The following KCNIP1 variants were observed in gnomAD, a reference collection of about 807,000 sequenced individuals.
KCNIP1 encodes the protein potassium voltage-gated channel interacting protein 1, also known as A-type potassium channel modulatory protein KCNIP1.
In KCNIP1, 18 loss-of-function variants were observed where a neutral mutation model predicts 33.0. The observed-to-expected ratio is 0.55, with a 90% CI of 0.38 to 0.81. KCNIP1 has a LOEUF of 0.81. KCNIP1 is among the 30% of genes least tolerant of loss of function. The pLI is 0.00. For synonymous variants in KCNIP1, 93 were observed against 98.3 expected (o/e 0.95, Z 0.32); for missense variants, 238 against 271.6 (o/e 0.88, Z 0.87).
At chr5:170,682,784 C>CTTTTTTTTTTGTTTTTTTTTTTTT (rs1762396898) in intron 1 of KCNIP1, among the ~76,000 whole-genome samples, 1 of 71,404 alleles carries the variant, frequency 1.4e-5, no homozygotes, top group Admixed American at 2.3e-4. Flanking sequence ...TTCTTTGTTT[C>CTTTTTTTTTTGTTTTTTTTTTTTT]TTTTTTTTTT....
chr5:170,661,879 A>G (rs1012115408), intron 1 of KCNIP1, among the ~76,000 whole-genome samples: 2 of 152,098 alleles, frequency 1.3e-5, no homozygotes, highest in African/African-American at 4.8e-5. Context: ...TCTTTCCAAA[A>G]CCAATTTCTA....
intron 1 of KCNIP1, among the ~76,000 whole-genome samples, chr5:170,521,809 A>AT (rs1323331371): frequency 6.6e-6 from 1 of 152,214 alleles, no homozygotes; most frequent in African/African-American, 2.4e-5. Context: ...ATAACAAATA[A>AT]ACCCCAATAT....
chr5:170,685,090 C>T (rs996978728), intron 1 of KCNIP1, among the ~76,000 whole-genome samples: 1 of 152,110 alleles, frequency 6.6e-6, no homozygotes, highest in Non-Finnish European at 1.5e-5. Flanking sequence ...TTTGGCCTCT[C>T]CTTGCCCATA....
At chr5:170,384,016 C>T (rs1581133701) in intron 1 of KCNIP1, among the ~76,000 whole-genome samples, 2 of 152,302 alleles carry the variant, frequency 1.3e-5, no homozygotes, top group East Asian at 3.9e-4. Flanking sequence ...CCACAGTCCC[C>T]GGACACAGGG....
At chr5:170,436,607 C>T (rs905266634) in intron 1 of KCNIP1, among the ~76,000 whole-genome samples, 5 of 152,186 alleles carry the variant, frequency 3.3e-5, no homozygotes, top group African/African-American at 1.2e-4. Flanking sequence ...CGACAAGTTC[C>T]CAGGTGTTGC....
At chr5:170,626,366 T>C (rs965553641) in intron 1 of KCNIP1, among the ~76,000 whole-genome samples, 1 of 152,158 alleles carries the variant, frequency 6.6e-6, no homozygotes, top group Admixed American at 6.5e-5. Context: ...TCCAGTATCT[T>C]GGCTTTTCTA....
At chr5:170,369,180 T>C (rs1052697188) in intron 1 of KCNIP1, among the ~76,000 whole-genome samples, 5 of 152,224 alleles carry the variant, frequency 3.3e-5, no homozygotes, top group Admixed American at 3.3e-4. Context: ...TGCCTATTAG[T>C]TGGGAAGTAG....
intron 5 of KCNIP1, 37 bp downstream of exon 5, chr5:170,722,857 A>C (rs1352084812): frequency 8.9e-6 from 12 of 1,351,930 alleles, no homozygotes; most frequent in Non-Finnish European, 1.3e-5. Context: ...AGAGGGCTCC[A>C]GTGAAGGTAA....
At position 170,473,007 on chromosome 5, in the gene KCNIP1, A is replaced by G. The variant is rs558488464; in HGVS notation, c.88+119043A>G. 2.0e-3 allele frequency among the ~76,000 whole-genome samples: 299 copies of G among 152,328 alleles called. 2 individuals are homozygous for G. Among genetic ancestry groups the G allele is most frequent in the African/African-American group, 7.1e-3 (294 of 41,572 alleles). ...CTCTAGTACTTTAAGGAATCTCCACACTGTTTTCCATCGTGGCTGTTCTAG... is the reference window on the plus strand; with the variant it reads ...CTCTAGTACTTTAAGGAATCTCCACGCTGTTTTCCATCGTGGCTGTTCTAG... On this transcript the variant is annotated intron_variant, in intron 1 of 7. Transcript: ENST00000377360.
chr5:170,411,047 G>A (rs1245476702), intron 1 of KCNIP1, among the ~76,000 whole-genome samples: 2 of 152,226 alleles, frequency 1.3e-5, no homozygotes, highest in African/African-American at 2.4e-5. Context: ...CTTCCCTGTT[G>A]CAGACCCTCC....
At chr5:170,633,827 G>C (rs183343907) in intron 1 of KCNIP1, among the ~76,000 whole-genome samples, 71 of 151,594 alleles carry the variant, frequency 4.7e-4, no homozygotes, top group African/African-American at 1.5e-3. Context: ...TATGCTGCAC[G>C]AGAAGGAGAG....
Position 170,720,304 on chromosome 5 carries a change from C to G in KCNIP1, c.187-17C>G. 2 of 1,608,284 alleles carry G rather than the reference C, an allele frequency of 1.2e-6. No individual in the cohort carries two copies. Among genetic ancestry groups the G allele is most frequent in the South Asian group, 2.2e-5 (2 of 90,928 alleles). ...GGCCCTCAAATGCCTCCCGCTGACT[C>G]TCTCCCCTTCCCACAGGAGTGCCCC... On this transcript the variant is annotated splice_polypyrimidine_tract_variant and intron_variant, in intron 2 of 7. Coordinates refer to ENST00000328939, the MANE Select transcript of KCNIP1 (RefSeq NM_014592.4).
intron 1 of KCNIP1, among the ~76,000 whole-genome samples, chr5:170,447,058 T>C (rs1223334913): frequency 1.3e-5 from 2 of 148,896 alleles, no homozygotes; most frequent in Non-Finnish European, 3.0e-5. Context: ...CTCCATCTTC[T>C]TATTCATCTG....
At chr5:170,650,654 T>A (rs1404172413) in intron 1 of KCNIP1, among the ~76,000 whole-genome samples, 2 of 152,256 alleles carry the variant, frequency 1.3e-5, no homozygotes, top group East Asian at 3.8e-4. Flanking sequence ...TACGTGGAAA[T>A]GCTTTCATTC....
At chr5:170,726,023 T>C (rs1581550679) in intron 5 of KCNIP1, among the ~76,000 whole-genome samples, 1 of 152,302 alleles carries the variant, frequency 6.6e-6, no homozygotes, top group East Asian at 1.9e-4. Flanking sequence ...AAAGCTGTTT[T>C]CTTAAGGAAT....
chr5:170,705,300 A>G (rs1189144331), intron 1 of KCNIP1, among the ~76,000 whole-genome samples: 1 of 152,234 alleles, frequency 6.6e-6, no homozygotes, highest in South Asian at 2.1e-4. Flanking sequence ...GCACCTTGCC[A>G]TCTTCTCCCT....
intron 1 of KCNIP1, among the ~76,000 whole-genome samples, chr5:170,590,202 T>A (rs1158598012): frequency 2.0e-5 from 3 of 152,010 alleles, no homozygotes; most frequent in Non-Finnish European, 4.4e-5. Flanking sequence ...GTTTTACACT[T>A]CCCAGGACCT....
chr5:170,489,300 TA>T lies in KCNIP1; in HGVS notation c.88+135337del. Among the ~76,000 whole-genome samples the T allele has an allele frequency of 6.6e-6, 1 of 152,350 alleles. No homozygotes were observed. Among genetic ancestry groups the T allele is most frequent in the South Asian group, 2.1e-4 (1 of 4,832 alleles). On this transcript the variant is annotated intron_variant, in intron 1 of 7. Transcript: ENST00000377360. This position sits in a 1 kb window ranked among gnomAD's most constrained non-coding sequence, Gnocchi z 4.3. ...CCTTGAGAAGGAGAAAGCCATGCTA[TA>T]GGCAATCAAGATTTGCACATTGTCA...
chr5:170,664,171 C>A (rs1761611271), intron 1 of KCNIP1, among the ~76,000 whole-genome samples: 1 of 152,154 alleles, frequency 6.6e-6, no homozygotes, highest in South Asian at 2.1e-4. Context: ...GCCATCAAAC[C>A]AATGGGCTCC....
Sources: allele counts gnomAD v4.1 joint callset (sites outside exome capture counted in the v4.1 genomes callset), GRCh38; gene constraint gnomAD v4.1.1; non-coding constraint Gnocchi (gnomAD v3.1); transcripts MANE v1.5; gene names NCBI Gene and HGNC (gene_info 2026-07-23, HGNC 2026-07-21).